The following PDGFC variants were observed in gnomAD, a reference collection of about 807,000 sequenced individuals.
The protein encoded by PDGFC is platelet derived growth factor C.
PDGFC carries 12 observed loss-of-function variants against 35.5 expected under a neutral mutation model. That is an observed-to-expected ratio of 0.34 (90% CI 0.22 to 0.55). The LOEUF is 0.55. Among genes scored for constraint, PDGFC ranks in the 20% least tolerant of loss-of-function variants. PDGFC has a pLI of 0.91. For synonymous variants in PDGFC, 159 were observed against 148.8 expected (o/e 1.07, Z -0.50); for missense variants, 322 against 412.4 (o/e 0.78, Z 1.90).
intron 1 of PDGFC, among the ~76,000 whole-genome samples, chr4:156,954,563 A>C (rs190954366): frequency 6.6e-6 from 1 of 152,148 alleles, no homozygotes; most frequent in African/African-American, 2.4e-5. Context: ...TCTATAATAA[A>C]TTGATTGCAA....
intron 1 of PDGFC, among the ~76,000 whole-genome samples, chr4:156,956,636 T>G (rs2110957470): frequency 6.6e-6 from 1 of 152,092 alleles, no homozygotes; most frequent in Non-Finnish European, 1.5e-5. Context: ...AGCACCTGGT[T>G]TGGGATGACA....
At chr4:156,942,326 T>C (rs1731829396) in intron 1 of PDGFC, among the ~76,000 whole-genome samples, 1 of 152,140 alleles carries the variant, frequency 6.6e-6, no homozygotes, top group Admixed American at 6.6e-5. Context: ...TTTATTTTTC[T>C]AGCTTATCTT....
intron 1 of PDGFC, among the ~76,000 whole-genome samples, chr4:156,952,879 C>A (rs2110943431): frequency 6.6e-6 from 1 of 151,934 alleles, no homozygotes; most frequent in East Asian, 1.9e-4. Flanking sequence ...GCATAAAAAA[C>A]ACTGAATAAC....
intron 1 of PDGFC, among the ~76,000 whole-genome samples, chr4:156,932,448 T>A (rs1315135755): frequency 6.6e-6 from 1 of 150,896 alleles, no homozygotes; most frequent in East Asian, 1.9e-4. Flanking sequence ...CATGCACACA[T>A]GTGTTTATTG....
intron 1 of PDGFC, among the ~76,000 whole-genome samples, chr4:156,960,953 A>G (rs911655974): frequency 2.0e-5 from 3 of 152,086 alleles, no homozygotes; most frequent in Admixed American, 2.0e-4. Flanking sequence ...TCAGGTTTAA[A>G]GTACAGTAAA....
chr4:156,767,723 C>T (rs1260463151), intron 5 of PDGFC, 50 bp downstream of exon 5: 1 of 1,161,626 alleles, frequency 8.6e-7, no homozygotes, highest in East Asian at 2.3e-5. Context: ...CTGTTTTGTT[C>T]TAAGACATAA....
intron 1 of PDGFC, among the ~76,000 whole-genome samples, chr4:156,874,766 G>A (rs1169054150): frequency 1.3e-5 from 2 of 150,182 alleles, no homozygotes; most frequent in Non-Finnish European, 3.0e-5. Context: ...GCCTAGGTTC[G>A]TGTGCAGTGG....
intron 1 of PDGFC, among the ~76,000 whole-genome samples, chr4:156,939,823 T>C (rs939704350): frequency 1.3e-5 from 2 of 152,082 alleles, no homozygotes; most frequent in African/African-American, 4.8e-5. Context: ...CAGCCTCACG[T>C]TGACAGAATG....
Position 156,913,362 on chromosome 4 carries a change from G to GA in PDGFC, c.118+57423dup, listed in dbSNP as rs149406000. Among the ~76,000 whole-genome samples, 960 of 146,752 alleles carry GA rather than the reference G, an allele frequency of 6.5e-3. 13 individuals carry two copies. The highest frequency in any genetic ancestry group is 0.021 in the African/African-American group (852 of 40,112). On this transcript the variant is annotated intron_variant, in intron 1 of 5. Transcript: ENST00000502773. The stretch of plus-strand genomic sequence containing the variant: ...AGGCTTGCAAGAAATATTTTAAAAA[G>GA]AAAAAAAAAATAGGACCTGAACCTT...
At chr4:156,935,405 A>G (rs991812762) in intron 1 of PDGFC, among the ~76,000 whole-genome samples, 2 of 152,222 alleles carry the variant, frequency 1.3e-5, no homozygotes, top group Admixed American at 6.5e-5. Flanking sequence ...ATCAAGTATT[A>G]TGCACTATAC....
chr4:156,831,636 GTTTC>G (rs1337397027), intron 2 of PDGFC, among the ~76,000 whole-genome samples: 3 of 151,634 alleles, frequency 2.0e-5, no homozygotes, highest in African/African-American at 7.3e-5. Context: ...TAGAGATGGG[GTTTC>G]TTCATGTTGG....
intron 1 of PDGFC, among the ~76,000 whole-genome samples, chr4:156,926,851 C>CTA (rs1162207636): frequency 2.0e-5 from 3 of 152,286 alleles, no homozygotes; most frequent in East Asian, 3.9e-4. Flanking sequence ...CACAGCTCCA[C>CTA]TAGGTGGTGT....
intron 1 of PDGFC, among the ~76,000 whole-genome samples, chr4:156,904,001 A>T (rs188006243): frequency 6.6e-6 from 1 of 152,256 alleles, no homozygotes; most frequent in Admixed American, 6.5e-5. Context: ...ATCCAAAACC[A>T]GGTTCCCTGT....
At chr4:156,846,716 A>G (rs1320477770) in intron 2 of PDGFC, among the ~76,000 whole-genome samples, 1 of 151,754 alleles carries the variant, frequency 6.6e-6, no homozygotes, top group African/African-American at 2.4e-5. Flanking sequence ...CTTGTTCTTA[A>G]ACAACACACA....
intron 1 of PDGFC, among the ~76,000 whole-genome samples, chr4:156,901,046 C>T (rs1730760400): frequency 6.6e-6 from 1 of 152,028 alleles, no homozygotes; most frequent in Non-Finnish European, 1.5e-5. Context: ...GAAGAGTAAG[C>T]TTACCATACT....
intron 1 of PDGFC, among the ~76,000 whole-genome samples, chr4:156,922,155 A>AGTGTGTGTGTGTGTGTGTGTGTGTGT (rs3070262): frequency 1.4e-5 from 2 of 145,274 alleles, no homozygotes; most frequent in African/African-American, 5.0e-5. Context: ...AAGGATTCAT[A>AGTGTGTGTGTGTGTGTGTGTGTGTGT]GTGTGTGTGT....
chr4:156,880,313 T>C (rs536494976), intron 1 of PDGFC, among the ~76,000 whole-genome samples: 2 of 152,186 alleles, frequency 1.3e-5, no homozygotes, highest in East Asian at 1.9e-4. Flanking sequence ...TTTCTGAAAA[T>C]ACTAGATCCT....
rs910211546 is a variant in PDGFC at position 156,924,262 on chromosome 4, G to T, written c.118+46524C>A. 3.3e-5 allele frequency among the ~76,000 whole-genome samples: 5 copies of T among 152,234 alleles called. No homozygotes were observed. The South Asian group carries it at 1.0e-3, about 32-fold the overall frequency. On this transcript the variant is annotated intron_variant, in intron 1 of 5. Transcript: ENST00000502773. ...GTTTCAACCTACAATTTGTATTCTT[G>T]AAATCAGGTCCTTTTATTCTGTGTA...
intron 1 of PDGFC, among the ~76,000 whole-genome samples, chr4:156,884,479 A>G (rs1730328273): frequency 6.6e-6 from 1 of 152,236 alleles, no homozygotes. Context: ...ACTCACAGAT[A>G]GGAGTTTCCA....
Sources: allele counts gnomAD v4.1 joint callset (sites outside exome capture counted in the v4.1 genomes callset), GRCh38; gene constraint gnomAD v4.1.1; transcripts MANE v1.5; gene names NCBI Gene and HGNC (gene_info 2026-07-23, HGNC 2026-07-21).